Variants in KCNB2 observed in about 807,000 individuals in gnomAD.
KCNB2 encodes the protein potassium voltage-gated channel subfamily B member 2, also known as delayed rectifier potassium channel protein.
A neutral mutation model predicts 61.5 loss-of-function variants in KCNB2; 15 were observed. That is an observed-to-expected ratio of 0.24 (90% CI 0.16 to 0.38). The LOEUF (loss-of-function observed/expected upper bound fraction) is 0.38. Among genes scored for constraint, KCNB2 ranks in the 10% least tolerant of loss-of-function variants. The pLI is 1.00. For missense variants in KCNB2, 828 were observed against 1,125.2 expected (o/e 0.74, Z 3.78); for synonymous variants, 457 against 446.0 (o/e 1.02, Z -0.31).
At chr8:72,774,441 C>T (rs1247606952) in intron 2 of KCNB2, among the ~76,000 whole-genome samples, 1 of 152,168 alleles carries the variant, frequency 6.6e-6, no homozygotes, top group African/African-American at 2.4e-5. Flanking sequence ...AACTCCGCCT[C>T]CCAGGTTCAA....
chr8:72,555,803 C>A (rs1806417640), intron 1 of KCNB2, among the ~76,000 whole-genome samples: 1 of 151,704 alleles, frequency 6.6e-6, no homozygotes, highest in Admixed American at 6.6e-5. Flanking sequence ...TGTATGTGCA[C>A]AATGTGCAGG....
chr8:72,644,396 T>C (rs1023515977), intron 2 of KCNB2, among the ~76,000 whole-genome samples: 4 of 152,306 alleles, frequency 2.6e-5, no homozygotes, highest in South Asian at 4.1e-4. Context: ...CAATGCAGGC[T>C]GGGTCTTTAC....
rs147123843 is a variant in KCNB2, at chr8:72,772,424, C to T, written c.580-163511C>T. Among the ~76,000 whole-genome samples the T allele has an allele frequency of 1.1e-3, 173 of 152,284 alleles. 3 individuals carry two copies. Among genetic ancestry groups the T allele is most frequent in the South Asian group, 1.2e-3 (6 of 4,824 alleles). The stretch of plus-strand genomic sequence containing the variant: ...TCAGTCATTGCTAAATATCCTCTGG[C>T]GGGCAAAATTTCCCCTGATTGAGAA... On this transcript the variant is annotated intron_variant, in intron 2 of 2. Coordinates refer to ENST00000523207, the MANE Select transcript of KCNB2 (RefSeq NM_004770.3).
intron 2 of KCNB2, among the ~76,000 whole-genome samples, chr8:72,926,350 A>G (rs1008030996): frequency 2.0e-5 from 3 of 152,254 alleles, no homozygotes; most frequent in Non-Finnish European, 4.4e-5. Flanking sequence ...TCCAGAACAC[A>G]TAAACTTTAT....
intron 2 of KCNB2, among the ~76,000 whole-genome samples, chr8:72,740,435 C>T (rs1416631368): frequency 1.3e-5 from 2 of 152,132 alleles, no homozygotes; most frequent in Non-Finnish European, 2.9e-5. Flanking sequence ...GAAATTGAGG[C>T]CACTGTCCCC....
At chr8:72,619,291 T>G (rs1415868653) in intron 2 of KCNB2, 1 of 617,200 alleles carries the variant, frequency 1.6e-6, no homozygotes, top group Non-Finnish European at 3.2e-6. Context: ...GAACCAGTGC[T>G]GGAGAGATTG....
At chr8:72,755,608 C>T (rs1808275542) in intron 2 of KCNB2, among the ~76,000 whole-genome samples, 1 of 152,194 alleles carries the variant, frequency 6.6e-6, no homozygotes, top group African/African-American at 2.4e-5. Flanking sequence ...TGCCCAACAC[C>T]TTTGCTCATT....
chr8:72,924,982 T>C (rs1467089887), intron 2 of KCNB2, among the ~76,000 whole-genome samples: 1 of 152,228 alleles, frequency 6.6e-6, no homozygotes, highest in Non-Finnish European at 1.5e-5. Context: ...GCCACTCCAT[T>C]TCAGCATGGC....
At chr8:72,709,113 C>A (rs1807282230) in intron 2 of KCNB2, among the ~76,000 whole-genome samples, 1 of 152,200 alleles carries the variant, frequency 6.6e-6, no homozygotes, top group South Asian at 2.1e-4. Flanking sequence ...TTCCCCTTTA[C>A]ATATTTTCAT....
intron 2 of KCNB2, among the ~76,000 whole-genome samples, chr8:72,646,647 T>A (rs1396381910): frequency 1.3e-5 from 2 of 152,204 alleles, no homozygotes; most frequent in Admixed American, 1.3e-4. Flanking sequence ...TTGTGTGATT[T>A]CATTCCACTT....
chr8:72,744,255 G>A (rs1387543662), intron 2 of KCNB2, among the ~76,000 whole-genome samples: 1 of 152,146 alleles, frequency 6.6e-6, no homozygotes, highest in Non-Finnish European at 1.5e-5. Flanking sequence ...TCTTTCATAT[G>A]TGTATGTGAC....
intron 2 of KCNB2, among the ~76,000 whole-genome samples, chr8:72,708,991 A>G (rs1329215775): frequency 3.3e-5 from 5 of 152,186 alleles, no homozygotes; most frequent in Admixed American, 2.6e-4. Context: ...TAACTTGGCT[A>G]TATATCCTGC....
chr8:72,595,722 A>G (rs1191897294), intron 2 of KCNB2, among the ~76,000 whole-genome samples: 4 of 152,122 alleles, frequency 2.6e-5, no homozygotes, highest in Non-Finnish European at 4.4e-5. Flanking sequence ...ATGTGTTCCC[A>G]TAACACCCTG....
intron 2 of KCNB2, among the ~76,000 whole-genome samples, chr8:72,851,494 C>G (rs1810106796): frequency 6.6e-6 from 1 of 152,150 alleles, no homozygotes; most frequent in African/African-American, 2.4e-5. Context: ...AAGAATTGGA[C>G]ATGGGTACCA....
At chr8:72,836,680 G>A (rs886372958) in intron 2 of KCNB2, among the ~76,000 whole-genome samples, 1 of 152,200 alleles carries the variant, frequency 6.6e-6, no homozygotes, top group Non-Finnish European at 1.5e-5. Flanking sequence ...GGAAGCAGAA[G>A]CAGGTGGATT....
intron 2 of KCNB2, chr8:72,749,205 A>C (rs2249896): frequency 0.35 from 52,436 of 151,962 alleles, 9,499 homozygotes; most frequent in African/African-American, 0.45. Context: ...TGCAGCCTCC[A>C]ACTCCTGGGC....
chr8:72,571,806 A>G (rs555101334), intron 2 of KCNB2, among the ~76,000 whole-genome samples: 52 of 152,304 alleles, frequency 3.4e-4, no homozygotes, highest in Non-Finnish European at 6.0e-4. Flanking sequence ...CAAGGGGAAG[A>G]AAAGGGCTCA....
At chr8:72,671,805 C>T (rs1806569844) in intron 2 of KCNB2, among the ~76,000 whole-genome samples, 2 of 152,214 alleles carry the variant, frequency 1.3e-5, no homozygotes, top group Non-Finnish European at 2.9e-5. Context: ...TGTTTCCTCT[C>T]TTACTTCATT....
intron 2 of KCNB2, among the ~76,000 whole-genome samples, chr8:72,789,634 G>C (rs1315279177): frequency 2.6e-5 from 4 of 152,122 alleles, no homozygotes; most frequent in Non-Finnish European, 5.9e-5. Flanking sequence ...ACACAGAGAG[G>C]ACCATGCTTT....
Sources: allele counts gnomAD v4.1 joint callset (sites outside exome capture counted in the v4.1 genomes callset), GRCh38; gene constraint gnomAD v4.1.1; transcripts MANE v1.5; gene names NCBI Gene and HGNC (gene_info 2026-07-23, HGNC 2026-07-21).